Variants in MAPK10 observed in about 807,000 individuals in gnomAD.
MAPK10 encodes the protein JNK3 alpha protein kinase.
MAPK10 carries 25 observed loss-of-function variants against 59.3 expected under a neutral mutation model. The ratio of observed to expected loss-of-function variants is 0.42; its 90% confidence interval spans 0.31 to 0.59. The LOEUF (loss-of-function observed/expected upper bound fraction) is 0.59. Ranked by LOEUF, MAPK10 falls within the 20% of genes least tolerant of loss-of-function variation. MAPK10 has a pLI of 0.15. For missense variants in MAPK10, 351 were observed against 568.9 expected, an observed-to-expected ratio of 0.62 and a Z score of 3.90; for synonymous variants, 190 against 200.5, an observed-to-expected ratio of 0.95 and a Z score of 0.44.
chr4:86,565,713 A>G (rs775082826), intron 1 of MAPK10, among the ~76,000 whole-genome samples: 1 of 152,220 alleles, frequency 6.6e-6, no homozygotes, highest in Non-Finnish European at 1.5e-5. Flanking sequence ...CTTGCATACA[A>G]TATTTTGTGC....
intron 1 of MAPK10, among the ~76,000 whole-genome samples, chr4:86,366,434 T>G (rs2148989550): frequency 6.6e-6 from 1 of 152,268 alleles, no homozygotes; most frequent in South Asian, 2.1e-4. Context: ...TTAACTAAAT[T>G]TCCTCTTGGG....
At chr4:86,567,702 A>G (rs1471573093) in intron 1 of MAPK10, among the ~76,000 whole-genome samples, 2 of 152,236 alleles carry the variant, frequency 1.3e-5, no homozygotes, top group Non-Finnish European at 2.9e-5. Flanking sequence ...CTTGAATTTC[A>G]TTTGATAGTA....
chr4:86,280,738 T>C (rs1583989571), intron 2 of MAPK10, among the ~76,000 whole-genome samples: 2 of 152,152 alleles, frequency 1.3e-5, no homozygotes, highest in African/African-American at 2.4e-5. Context: ...GTGGCACATA[T>C]ACACCATGGA....
chr4:86,266,838 T>C (rs562440225), intron 2 of MAPK10, among the ~76,000 whole-genome samples: 24 of 152,222 alleles, frequency 1.6e-4, no homozygotes, highest in South Asian at 1.0e-3. Flanking sequence ...ATTAAAAATA[T>C]AATAACACAT....
intron 1 of MAPK10, among the ~76,000 whole-genome samples, chr4:86,401,829 G>T (rs1279805850): frequency 6.6e-6 from 1 of 152,146 alleles, no homozygotes; most frequent in Admixed American, 6.5e-5. Context: ...TTCCCAAAGA[G>T]AGAACCACTG....
At chr4:86,569,110 CAAAT>C (rs1761271414) in intron 1 of MAPK10, among the ~76,000 whole-genome samples, 1 of 151,274 alleles carries the variant, frequency 6.6e-6, no homozygotes, top group African/African-American at 2.4e-5. Context: ...AAGAAAAAAA[CAAAT>C]AACTCCACTA....
chr4:86,171,288 T>C (rs919199807), intron 3 of MAPK10, among the ~76,000 whole-genome samples: 2 of 152,150 alleles, frequency 1.3e-5, no homozygotes, highest in Non-Finnish European at 2.9e-5. Flanking sequence ...ACCTAGGAGC[T>C]GGTTTTTTGA....
chr4:86,452,051 G>A (rs575024586), intron 1 of MAPK10, among the ~76,000 whole-genome samples: 3 of 152,268 alleles, frequency 2.0e-5, no homozygotes, highest in African/African-American at 4.8e-5. Flanking sequence ...AAGATTAAAC[G>A]AGATGCCCAA....
chr4:86,470,003 A>T (rs80181427), intron 1 of MAPK10, among the ~76,000 whole-genome samples: 1 of 152,242 alleles, frequency 6.6e-6, no homozygotes, highest in Non-Finnish European at 1.5e-5. Flanking sequence ...CTGGAATAGC[A>T]AAAGAAAATG....
intron 1 of MAPK10, among the ~76,000 whole-genome samples, chr4:86,534,703 C>T (rs1338297877): frequency 3.9e-5 from 6 of 151,930 alleles, no homozygotes; most frequent in Non-Finnish European, 7.4e-5. Context: ...GTCAGGAGTT[C>T]GAGACCAGCC....
intron 1 of MAPK10, among the ~76,000 whole-genome samples, chr4:86,461,104 T>G (rs968933509): frequency 6.7e-6 from 1 of 149,390 alleles, no homozygotes; most frequent in African/African-American, 2.5e-5. Flanking sequence ...AACGTGGAAC[T>G]AAGCTGGAGG....
chr4:86,537,344 A>C (rs1758325758), intron 1 of MAPK10, among the ~76,000 whole-genome samples: 2 of 152,244 alleles, frequency 1.3e-5, no homozygotes. Flanking sequence ...ATTTATATAA[A>C]GGGAAATAAA....
intron 1 of MAPK10, among the ~76,000 whole-genome samples, chr4:86,476,248 G>T (rs984945137): frequency 2.6e-5 from 4 of 151,924 alleles, no homozygotes; most frequent in African/African-American, 7.3e-5. Flanking sequence ...GCCGAGCCAG[G>T]TCCCAATTCT....
intron 2 of MAPK10, among the ~76,000 whole-genome samples, chr4:86,260,523 A>C (rs781659283): frequency 1.3e-5 from 2 of 152,112 alleles, no homozygotes; most frequent in African/African-American, 4.8e-5. Flanking sequence ...AGGACCTTAA[A>C]GATAATATTA....
chr4:86,208,041 A>C (rs1390799621), intron 2 of MAPK10, among the ~76,000 whole-genome samples: 2 of 152,142 alleles, frequency 1.3e-5, no homozygotes, highest in African/African-American at 2.4e-5. Flanking sequence ...CTAAACCAGG[A>C]AGAAGTTGAA....
At position 86,359,635 on chromosome 4, in the gene MAPK10, A is replaced by G. The variant is rs573285629; in HGVS notation, c.-122+23T>C. ...ACCCTCCAAAAACAGGTTAGAACCC[A>G]GAACGAGCAAAGAGCCACCTACCAT... On this transcript the variant is annotated intron_variant, in intron 1 of 13. Transcript: ENST00000641462. 59 of 980,452 alleles carry G rather than the reference A, an allele frequency of 6.0e-5. No individual in the cohort carries two copies. The African/African-American group carries it at 1.0e-3, about 17-fold the overall frequency. 60.7% of individuals were successfully genotyped at this position (980,452 alleles called of 1,614,324 possible).
At chr4:86,420,718 G>A (rs1746418751) in intron 1 of MAPK10, among the ~76,000 whole-genome samples, 1 of 152,140 alleles carries the variant, frequency 6.6e-6, no homozygotes, top group Non-Finnish European at 1.5e-5. Flanking sequence ...GAGCCTGGAA[G>A]GTCAAGGCTG....
At chr4:86,032,754 C>A (rs6848433) in intron 11 of MAPK10, among the ~76,000 whole-genome samples, 1 of 152,100 alleles carries the variant, frequency 6.6e-6, no homozygotes, top group Admixed American at 6.5e-5. Context: ...GCCTCACATC[C>A]TGCAAAGTAT....
chr4:86,147,578 A>G (rs1005207367), intron 4 of MAPK10, among the ~76,000 whole-genome samples: 8 of 152,202 alleles, frequency 5.3e-5, no homozygotes, highest in African/African-American at 1.9e-4. Context: ...TACCATAAAT[A>G]TTAACTTATA....
Sources: allele counts gnomAD v4.1 joint callset (sites outside exome capture counted in the v4.1 genomes callset), GRCh38; gene constraint gnomAD v4.1.1; transcripts MANE v1.5; gene names NCBI Gene and HGNC (gene_info 2026-07-23, HGNC 2026-07-21).